The following FGF13 variants were observed in gnomAD, a reference collection of about 807,000 sequenced individuals.
The protein encoded by FGF13 is fibroblast growth factor 13, also known as fibroblast growth factor homologous factor 2.
FGF13 carries 2 observed loss-of-function variants against 19.5 expected under a neutral mutation model. The observed-to-expected ratio is 0.10, with a 90% CI of 0.04 to 0.32. FGF13 has a LOEUF of 0.32. Ranked by LOEUF, FGF13 falls within the 10% of genes least tolerant of loss-of-function variation. The pLI, the probability that FGF13 is intolerant of heterozygous loss-of-function variation, is 1.00. For synonymous variants in FGF13, 72 were observed against 76.9 expected, an observed-to-expected ratio of 0.94 and a Z score of 0.33; for missense variants, 113 against 192.7, an observed-to-expected ratio of 0.59 and a Z score of 2.45.
At chrX:138,924,328 A>G (rs2091661370) in intron 1 of FGF13, among the ~76,000 whole-genome samples, 1 of 111,156 alleles carries the variant, frequency 9.0e-6, no homozygotes, top group Non-Finnish European at 1.9e-5. Context: ...TTTTTCCCAC[A>G]GTTGGAAAAG....
chrX:138,959,326 C>T (rs954785591), intron 1 of FGF13, among the ~76,000 whole-genome samples: 21 of 111,683 alleles, frequency 1.9e-4, no homozygotes, highest in African/African-American at 6.2e-4. Flanking sequence ...CGTAGTTGTG[C>T]GGTTTTGAGT....
chrX:138,807,135 G>A (rs957552851), intron 3 of FGF13: 9 of 110,754 alleles, frequency 8.1e-5, no homozygotes, highest in Admixed American at 3.9e-4. Context: ...AATCTGTTGA[G>A]GGCCGGCCCT....
chrX:138,719,201 G>T, intron 1 of FGF13, among the ~76,000 whole-genome samples: 1 of 111,887 alleles, frequency 8.9e-6, no homozygotes, highest in South Asian at 3.8e-4. Flanking sequence ...CTATGTTTTG[G>T]CTTGGGGGAC....
chrX:138,717,899 C>T (rs1209981867), intron 1 of FGF13, among the ~76,000 whole-genome samples: 1 of 112,008 alleles, frequency 8.9e-6, no homozygotes, highest in Non-Finnish European at 1.9e-5. Flanking sequence ...CAGGTGTGAG[C>T]CATAACACAA....
chrX:138,772,016 G>GTGTA (rs1419101921), intron 3 of FGF13, among the ~76,000 whole-genome samples: 6 of 34,976 alleles, frequency 1.7e-4, no homozygotes, highest in African/African-American at 5.3e-4. Context: ...AGATACATAT[G>GTGTA]TGTATATATA....
intron 3 of FGF13, among the ~76,000 whole-genome samples, chrX:138,766,460 A>G (rs1215473127): frequency 8.9e-6 from 1 of 112,198 alleles, no homozygotes; most frequent in Admixed American, 9.5e-5. Context: ...AGTAGCAGTT[A>G]CAACCTCCCT....
At chrX:138,817,664 C>A (rs1468365346) in intron 3 of FGF13, among the ~76,000 whole-genome samples, 1 of 111,698 alleles carries the variant, frequency 9.0e-6, no homozygotes, top group Non-Finnish European at 1.9e-5. Flanking sequence ...AAAGACAGCA[C>A]AATGATATGG....
At chrX:138,674,654 A>T (rs1320700256) in intron 3 of FGF13, among the ~76,000 whole-genome samples, 2 of 111,016 alleles carry the variant, frequency 1.8e-5, no homozygotes, top group Non-Finnish European at 3.8e-5. Context: ...AAGTCTGAGA[A>T]CAAGAAGGAA....
chrX:139,188,193 T>TTC (rs1174514718), intron 1 of FGF13, among the ~76,000 whole-genome samples: 1 of 112,098 alleles, frequency 8.9e-6, no homozygotes, highest in African/African-American at 3.3e-5. Flanking sequence ...TCATTGGTGT[T>TTC]TCACCAGTGC....
At chrX:138,795,080 C>T (rs1415568013) in intron 3 of FGF13, among the ~76,000 whole-genome samples, 2 of 111,668 alleles carry the variant, frequency 1.8e-5, no homozygotes, top group African/African-American at 6.5e-5. Flanking sequence ...GCTCAAGAAG[C>T]TAAACTGTAG....
chrX:139,097,697 A>G (rs953157356), intron 1 of FGF13, among the ~76,000 whole-genome samples: 4 of 112,304 alleles, frequency 3.6e-5, no homozygotes, highest in Non-Finnish European at 5.6e-5. Context: ...GTCTAGAAGA[A>G]AAGAAGAGTG....
chrX:139,151,040 C>T (rs1158977740), intron 1 of FGF13, among the ~76,000 whole-genome samples: 6 of 110,265 alleles, frequency 5.4e-5, no homozygotes, highest in South Asian at 7.9e-4. Context: ...AGATAAGCCA[C>T]GCATTCTCAA....
chrX:139,090,165 T>C (rs1434716904), intron 1 of FGF13, among the ~76,000 whole-genome samples: 1 of 112,129 alleles, frequency 8.9e-6, no homozygotes, highest in Non-Finnish European at 1.9e-5. Context: ...TCAAGCACCA[T>C]GACCACAGCA....
At chrX:138,642,126 A>C (rs747134462) in intron 3 of FGF13, among the ~76,000 whole-genome samples, 1 of 107,159 alleles carries the variant, frequency 9.3e-6, no homozygotes, top group Non-Finnish European at 1.9e-5. Context: ...TCAAAGGAGG[A>C]AAGTGGCCTA....
At chrX:139,108,707 G>A (rs747570120) in intron 1 of FGF13, among the ~76,000 whole-genome samples, 1 of 110,338 alleles carries the variant, frequency 9.1e-6, no homozygotes, top group South Asian at 3.9e-4. Context: ...TGGGGTACAT[G>A]AGCAGGATGT....
At chrX:139,132,699 C>G (rs1165090551) in intron 1 of FGF13, among the ~76,000 whole-genome samples, 2 of 112,279 alleles carry the variant, frequency 1.8e-5, no homozygotes, top group African/African-American at 3.2e-5. Context: ...CTAATCTTGA[C>G]TATGGGAATT....
intron 3 of FGF13, among the ~76,000 whole-genome samples, chrX:138,698,704 T>C (rs2089919196): frequency 8.9e-6 from 1 of 111,766 alleles, no homozygotes; most frequent in South Asian, 3.8e-4. Context: ...AAGAATGGAA[T>C]TTCTTAAAGT....
At chrX:139,010,420 T>C (rs2092123511) in intron 1 of FGF13, among the ~76,000 whole-genome samples, 1 of 111,848 alleles carries the variant, frequency 8.9e-6, no homozygotes, top group African/African-American at 3.2e-5. Flanking sequence ...CAAATCTCAG[T>C]AAATTTAAGA....
chrX:138,845,440 GATAA>G (rs2091174856), intron 3 of FGF13, among the ~76,000 whole-genome samples: 1 of 112,090 alleles, frequency 8.9e-6, no homozygotes, highest in Admixed American at 9.5e-5. Flanking sequence ...AAATGTGTTA[GATAA>G]ATAAGTTATT....
Sources: allele counts gnomAD v4.1 joint callset (sites outside exome capture counted in the v4.1 genomes callset), GRCh38; gene constraint gnomAD v4.1.1; transcripts MANE v1.5; gene names NCBI Gene and HGNC (gene_info 2026-07-23, HGNC 2026-07-21).